CDH12: variants seen among roughly 807,000 people sequenced by gnomAD.
The protein encoded by CDH12 is cadherin-12.
A neutral mutation model predicts 74.1 loss-of-function variants in CDH12; 41 were observed. The observed-to-expected ratio is 0.55, with a 90% CI of 0.43 to 0.72. The LOEUF is 0.72. Ranked by LOEUF, CDH12 falls within the 30% of genes least tolerant of loss-of-function variation. The pLI is 0.00. For synonymous variants in CDH12, 399 were observed against 355.0 expected, an observed-to-expected ratio of 1.12 and a Z score of -1.39; for missense variants, 945 against 977.2, an observed-to-expected ratio of 0.97 and a Z score of 0.44.
intron 5 of CDH12, among the ~76,000 whole-genome samples, chr5:22,041,018 T>G (rs1233576389): frequency 6.6e-6 from 1 of 152,050 alleles, no homozygotes; most frequent in Non-Finnish European, 1.5e-5. Context: ...ATAACTTGTT[T>G]TAAAATATAA....
At chr5:21,762,026 C>T (rs907968428) in intron 12 of CDH12, among the ~76,000 whole-genome samples, 2 of 152,142 alleles carry the variant, frequency 1.3e-5, no homozygotes, top group Admixed American at 6.6e-5. Context: ...AACCAACTTT[C>T]CTTCACTTAG....
intron 1 of CDH12, among the ~76,000 whole-genome samples, chr5:22,650,115 AATT>A (rs1362749263): frequency 1.3e-5 from 2 of 152,026 alleles, no homozygotes; most frequent in African/African-American, 4.8e-5. Context: ...AAAGGAAACA[AATT>A]ATTGCTTGAG....
chr5:22,475,093 C>T (rs1746114936), intron 2 of CDH12, among the ~76,000 whole-genome samples: 1 of 150,344 alleles, frequency 6.7e-6, no homozygotes, highest in South Asian at 2.1e-4. Context: ...AATTCTGGAA[C>T]TCATCCCCTC....
chr5:22,741,869 C>T (rs1250669261), intron 1 of CDH12, among the ~76,000 whole-genome samples: 1 of 152,128 alleles, frequency 6.6e-6, no homozygotes, highest in African/African-American at 2.4e-5. Flanking sequence ...TTATGATGAA[C>T]AAAATGCTTT....
At chr5:22,415,908 T>G (rs1296534991) in intron 2 of CDH12, among the ~76,000 whole-genome samples, 3 of 143,186 alleles carry the variant, frequency 2.1e-5, no homozygotes, top group African/African-American at 7.7e-5. Context: ...AACAAAACAA[T>G]AAAAAAAAAA....
intron 2 of CDH12, among the ~76,000 whole-genome samples, chr5:22,502,191 G>C (rs1736190745): frequency 6.6e-6 from 1 of 152,108 alleles, no homozygotes; most frequent in South Asian, 2.1e-4. Context: ...GCACCCAGTG[G>C]GAGGTAATTG....
At chr5:22,367,370 C>A (rs1206747364) in intron 3 of CDH12, among the ~76,000 whole-genome samples, 1 of 152,190 alleles carries the variant, frequency 6.6e-6, no homozygotes, top group Non-Finnish European at 1.5e-5. Flanking sequence ...GTGATGTCTG[C>A]ATGAGATTTT....
rs539958111 is a variant in CDH12 at position 21,836,166 on chromosome 5, G to T, written c.814+5995C>A. Among the ~76,000 whole-genome samples, 3 of 151,398 alleles carry T rather than the reference G, an allele frequency of 2.0e-5. No homozygotes were observed. The South Asian group carries it at 6.3e-4, about 32-fold the overall frequency. ...AATAATAAGAATTTTTATATCTTCA[G>T]GTGTTAACAAGTTAAAAAACTATGA... On this transcript the variant is annotated intron_variant, in intron 8 of 14. Coordinates refer to ENST00000382254, the MANE Select transcript of CDH12 (RefSeq NM_004061.5).
intron 3 of CDH12, among the ~76,000 whole-genome samples, chr5:22,289,675 T>C (rs1737298500): frequency 6.6e-6 from 1 of 151,870 alleles, no homozygotes; most frequent in African/African-American, 2.4e-5. Context: ...AGAAGGAAGG[T>C]AGGAAGAATA....
At chr5:21,942,977 T>C (rs551649484) in intron 6 of CDH12, among the ~76,000 whole-genome samples, 185 of 152,262 alleles carry the variant, frequency 1.2e-3, no homozygotes, top group African/African-American at 4.3e-3. Context: ...TGGGAGGTGA[T>C]TGGATCATGG....
chr5:21,800,268 A>G lies in CDH12; in HGVS notation c.1256+1899T>C, dbSNP rs925368374. ...ACTTTGGATTTTAATTAATATTAGA[A>G]GAAGTTGAGACTTTGGGGGCCCTTA... On this transcript the variant is annotated intron_variant, in intron 10 of 14. Transcript: ENST00000382254. 3.3e-5 allele frequency among the ~76,000 whole-genome samples: 5 copies of G among 152,282 alleles called. No homozygotes were observed. The East Asian group carries it at 9.7e-4, about 29-fold the overall frequency.
At chr5:22,690,912 G>C (rs1742047947) in intron 1 of CDH12, among the ~76,000 whole-genome samples, 1 of 151,846 alleles carries the variant, frequency 6.6e-6, no homozygotes, top group African/African-American at 2.4e-5. Flanking sequence ...CTCCTCCATG[G>C]GACACCATGG....
intron 4 of CDH12, among the ~76,000 whole-genome samples, chr5:22,150,677 GA>G (rs879617589): frequency 2.0e-5 from 3 of 152,084 alleles, no homozygotes; most frequent in Admixed American, 6.6e-5. Flanking sequence ...AAAAGAAATG[GA>G]ATCAGATGTT....
Position 22,406,463 on chromosome 5 carries a change from G to T in CDH12, c.-427-1112C>A, listed in dbSNP as rs1200523544. The stretch of plus-strand genomic sequence containing the variant: ...AGTTTACAGGAATATATTTGAGAGG[G>T]TTATAATGTTTGTGATTTTTGAATC... On this transcript the variant is annotated intron_variant, in intron 2 of 14. Transcript: ENST00000382254. Among the ~76,000 whole-genome samples, 7 of 152,050 alleles carry T rather than the reference G, an allele frequency of 4.6e-5. No individual in the cohort carries two copies. The South Asian group carries it at 1.2e-3, about 27-fold the overall frequency.
chr5:22,196,475 C>T (rs1750627740), intron 4 of CDH12, among the ~76,000 whole-genome samples: 1 of 152,010 alleles, frequency 6.6e-6, no homozygotes, highest in Non-Finnish European at 1.5e-5. Context: ...TTACAGAGAT[C>T]ATTAGAATTT....
At position 21,755,819 on chromosome 5, in the gene CDH12, G is replaced by C. The variant is rs1186005652; in HGVS notation, c.1657C>G (p.Arg553Gly). ...FRNNTAGIET[R>G]RNGYSRRQQE... Reference sequence around the variant, plus strand: ...TGCCTGCGGCTGTATCCATTTCTTCGGGTTTCAATCCCCGCTGTGTTGTCT... The same window carrying C: ...TGCCTGCGGCTGTATCCATTTCTTCCGGTTTCAATCCCCGCTGTGTTGTCT... Residue 553 changes from arginine (R) to glycine (G), a missense_variant, in exon 14 of 15, where the codon CGA (arginine) becomes GGA (glycine). Arg to Gly is a moderately radical substitution (Grantham distance 125, BLOSUM62 -2). This residue lies in a region of CDH12 where 791 missense variants were observed against 792.8 expected (regional missense o/e 1.00). Coordinates refer to ENST00000382254, the MANE Select transcript of CDH12 (RefSeq NM_004061.5). The C allele has an allele frequency of 1.5e-5, 25 of 1,613,810 alleles. No individual in the cohort carries two copies. The highest frequency in any genetic ancestry group is 2.0e-5 in the Non-Finnish European group (24 of 1,179,908).
chr5:22,360,429 G>A (rs532272513), intron 3 of CDH12, among the ~76,000 whole-genome samples: 118 of 152,240 alleles, frequency 7.8e-4, no homozygotes, highest in Non-Finnish European at 1.3e-3. Context: ...TGAAATTGAG[G>A]CAATAATTAA....
intron 1 of CDH12, among the ~76,000 whole-genome samples, chr5:22,653,212 C>T (rs1182073517): frequency 1.3e-5 from 2 of 152,112 alleles, no homozygotes; most frequent in African/African-American, 4.8e-5. Flanking sequence ...TTACCTGGGT[C>T]ACCTTGCCCA....
chr5:22,355,717 C>T (rs1186909586), intron 3 of CDH12, among the ~76,000 whole-genome samples: 1 of 152,046 alleles, frequency 6.6e-6, no homozygotes, highest in African/African-American at 2.4e-5. Context: ...ATAATCTTGA[C>T]ATTCTTGGCA....
Sources: allele counts gnomAD v4.1 joint callset (sites outside exome capture counted in the v4.1 genomes callset), GRCh38; gene constraint gnomAD v4.1.1; regional missense constraint gnomAD v4.1.1; transcripts MANE v1.5; gene names NCBI Gene and HGNC (gene_info 2026-07-23, HGNC 2026-07-21).